Variants in RABGEF1 observed in about 807,000 individuals in gnomAD.
RABGEF1 encodes the protein RAB guanine nucleotide exchange factor 1.
In RABGEF1, 26 loss-of-function variants were observed where a neutral mutation model predicts 57.3. The observed-to-expected ratio is 0.45, with a 90% CI of 0.33 to 0.63. The LOEUF (loss-of-function observed/expected upper bound fraction) is 0.63, where lower values mean the gene tolerates loss of function less well. Ranked by LOEUF, RABGEF1 falls within the 20% of genes least tolerant of loss-of-function variation. The pLI, the probability that RABGEF1 is intolerant of heterozygous loss-of-function variation, is 0.02. For missense variants in RABGEF1, 464 were observed against 607.6 expected (o/e 0.76, Z 2.48); for synonymous variants, 185 against 210.7 (o/e 0.88, Z 1.06).
At chr7:66,707,580 C>A (rs534617341) in intron 1 of RABGEF1, among the ~76,000 whole-genome samples, 1 of 151,964 alleles carries the variant, frequency 6.6e-6, no homozygotes, top group African/African-American at 2.4e-5. Flanking sequence ...CCCAGCTACT[C>A]GGGAGGCTGA....
intron 1 of RABGEF1, among the ~76,000 whole-genome samples, chr7:66,690,680 T>G (rs1420975018): frequency 6.6e-6 from 1 of 151,786 alleles, no homozygotes; most frequent in African/African-American, 2.4e-5. Flanking sequence ...CACTGCAGCC[T>G]GGGTGACAGA....
At chr7:66,766,390 T>G (rs1187281262) in intron 1 of RABGEF1, among the ~76,000 whole-genome samples, 1 of 152,186 alleles carries the variant, frequency 6.6e-6, no homozygotes, top group Non-Finnish European at 1.5e-5. Context: ...GATTTCTTAA[T>G]GTTAGTATCT....
Position 66,714,896 on chromosome 7 carries a change from C to T in RABGEF1, c.-815+2672C>T, listed in dbSNP as rs144375845. ...CTTGTAGTGAGCCAAGATCCTGCCA[C>T]TGCACTCCAGCCTGGGCGACAGAGC... On this transcript the variant is annotated intron_variant and NMD_transcript_variant, in intron 2 of 9. Coordinates refer to the RABGEF1 transcript ENST00000607882. 7.8e-3 allele frequency among the ~76,000 whole-genome samples: 1,195 copies of T among 152,274 alleles called. 15 individuals carry two copies. Among genetic ancestry groups the T allele is most frequent in the African/African-American group, 0.026 (1,091 of 41,572 alleles).
At chr7:66,717,806 C>G (rs1359020425) in intron 2 of RABGEF1, among the ~76,000 whole-genome samples, 1 of 152,028 alleles carries the variant, frequency 6.6e-6, no homozygotes. Context: ...GTGATCCACT[C>G]GCCTTGGCCT....
At chr7:66,699,467 G>T (rs1243121008) in intron 1 of RABGEF1, among the ~76,000 whole-genome samples, 4 of 152,174 alleles carry the variant, frequency 2.6e-5, no homozygotes, top group Non-Finnish European at 5.9e-5. Context: ...GAGGCGGATG[G>T]ACCACCTGAG....
intron 3 of RABGEF1, among the ~76,000 whole-genome samples, chr7:66,779,029 C>T (rs1280028112): frequency 3.3e-5 from 5 of 152,020 alleles, no homozygotes; most frequent in South Asian, 4.2e-4. Context: ...TCAGGAGAAT[C>T]GCTTGAACCC....
intron 1 of RABGEF1, among the ~76,000 whole-genome samples, chr7:66,749,839 T>G (rs1801018966): frequency 6.6e-6 from 1 of 151,928 alleles, no homozygotes; most frequent in African/African-American, 2.4e-5. Flanking sequence ...CTGGGTGTGA[T>G]GGTGGGCGCC....
chr7:66,782,420 C>T (rs1810143085), intron 3 of RABGEF1, among the ~76,000 whole-genome samples: 4 of 150,788 alleles, frequency 2.7e-5, no homozygotes, highest in Admixed American at 2.6e-4. Context: ...TCTTATCCCA[C>T]TACCCCCTAT....
At chr7:66,660,078 T>C in the RABGEF1 span, among the ~76,000 whole-genome samples, 1 of 151,484 alleles carries the variant, frequency 6.6e-6, no homozygotes, top group East Asian at 1.9e-4. Flanking sequence ...CTGGGCACAG[T>C]GGCTCACGCC....
At chr7:66,774,183 A>G (rs377004228) in intron 2 of RABGEF1, among the ~76,000 whole-genome samples, 42 of 152,090 alleles carry the variant, frequency 2.8e-4, no homozygotes, top group African/African-American at 8.9e-4. Flanking sequence ...ACCAAGTTCT[A>G]TTTCTTCCAA....
chr7:66,775,393 G>T lies in RABGEF1; in HGVS notation c.346G>T (p.Glu116Ter). ...ATCTTCCAGGGTCGGATCAAAGAAG[G>T]GTAATGTTCTGATACTCTTTTTTTT... ...SASSRVGSKK[E>*]IQEAKAPSPS... Residue 116 changes from glutamate to a stop codon, truncating the protein, a stop_gained and splice_region_variant, in exon 3 of 9, where the codon GAA (glutamate) becomes TAA (stop). Transcript: ENST00000284957. LOFTEE classifies it high-confidence loss of function. The T allele has an allele frequency of 6.2e-7, 1 of 1,613,418 alleles. No individual in the cohort carries two copies. The highest frequency in any genetic ancestry group is 2.2e-5 in the East Asian group (1 of 44,858).
At chr7:66,747,089 C>A (rs530851524) in intron 1 of RABGEF1, among the ~76,000 whole-genome samples, 1 of 152,046 alleles carries the variant, frequency 6.6e-6, no homozygotes, top group Non-Finnish European at 1.5e-5. Flanking sequence ...CTACCGTGCC[C>A]GGCCCTAGTG....
intron 1 of RABGEF1, among the ~76,000 whole-genome samples, chr7:66,699,897 C>T (rs1792969905): frequency 6.6e-6 from 1 of 152,120 alleles, no homozygotes; most frequent in Admixed American, 6.6e-5. Flanking sequence ...AAACCCAGGG[C>T]CATTGGAGAA....
intron 1 of RABGEF1, among the ~76,000 whole-genome samples, chr7:66,711,988 C>T (rs1435433742): frequency 3.3e-5 from 5 of 152,186 alleles, no homozygotes; most frequent in Non-Finnish European, 5.9e-5. Flanking sequence ...ATAGCAATTA[C>T]TTAATTACTT....
chr7:66,662,098 G>T, the RABGEF1 span, among the ~76,000 whole-genome samples: 1 of 152,126 alleles, frequency 6.6e-6, no homozygotes, highest in South Asian at 2.1e-4. Flanking sequence ...AATTAGCCGG[G>T]CACGGTGGCA....
chr7:66,679,557 G>C (rs1266452402), upstream of RABGEF1, among the ~76,000 whole-genome samples: 1 of 152,190 alleles, frequency 6.6e-6, no homozygotes, highest in East Asian at 1.9e-4. Context: ...GACCTCAGGT[G>C]ATCAGCCCGC....
chr7:66,672,231 G>A, the RABGEF1 span, among the ~76,000 whole-genome samples: 1 of 150,852 alleles, frequency 6.6e-6, no homozygotes, highest in African/African-American at 2.4e-5. Context: ...GACCATCCTG[G>A]CTAACGTGGT....
chr7:66,793,636 T>G (rs1160259442), intron 4 of RABGEF1, among the ~76,000 whole-genome samples: 1 of 148,174 alleles, frequency 6.7e-6, no homozygotes, highest in African/African-American at 2.5e-5. Context: ...AGCTTTTGCA[T>G]AAAATACTTG....
At chr7:66,760,218 G>A (rs1803937613) in intron 1 of RABGEF1, among the ~76,000 whole-genome samples, 2 of 152,106 alleles carry the variant, frequency 1.3e-5, no homozygotes, top group South Asian at 4.1e-4. Flanking sequence ...CCTGGAAAAA[G>A]CACTAATTTG....
Sources: gnomAD v4.1 joint callset for allele counts (sites outside exome capture counted in the v4.1 genomes callset) on GRCh38, gnomAD v4.1.1 for gene constraint, MANE v1.5 for transcripts, NCBI Gene and HGNC (gene_info 2026-07-23, HGNC 2026-07-21) for gene names.